SHANK2: variants seen among roughly 807,000 people sequenced by gnomAD.
The protein encoded by SHANK2 is SH3 and multiple ankyrin repeat domains 2.
In SHANK2, 43 loss-of-function variants were observed where a neutral mutation model predicts 133.7. That is an observed-to-expected ratio of 0.32 (90% CI 0.25 to 0.41). SHANK2 has a LOEUF of 0.41. SHANK2 is among the 10% of genes least tolerant of loss of function. The pLI is 1.00. For missense variants in SHANK2, 1,994 were observed against 2,235.8 expected, an observed-to-expected ratio of 0.89 and a Z score of 2.18; for synonymous variants, 1,017 against 952.8, an observed-to-expected ratio of 1.07 and a Z score of -1.24.
intron 9 of SHANK2, among the ~76,000 whole-genome samples, chr11:71,072,018 C>T (rs1044696382): frequency 6.6e-5 from 10 of 152,260 alleles, no homozygotes; most frequent in East Asian, 1.9e-4. Context: ...ATCCACATCT[C>T]GACACCCTCC....
At chr11:70,644,927 A>G (rs782613264) in intron 17 of SHANK2, among the ~76,000 whole-genome samples, 7 of 152,212 alleles carry the variant, frequency 4.6e-5, no homozygotes, top group Admixed American at 2.0e-4. Context: ...ATTCATCAAA[A>G]GATCTCGTCA....
intron 17 of SHANK2, among the ~76,000 whole-genome samples, chr11:70,562,935 G>A (rs782142272): frequency 3.9e-5 from 6 of 152,092 alleles, no homozygotes; most frequent in African/African-American, 7.2e-5. Flanking sequence ...GCAGTGGCAC[G>A]ATCTCGGCTC....
At position 71,175,600 on chromosome 11, in the gene SHANK2, G is replaced by C. The variant is rs868952492; in HGVS notation, c.-12-28262C>G. On this transcript the variant is annotated intron_variant, in intron 2 of 25. Transcript: ENST00000601538. This position sits in a 1 kb window ranked among gnomAD's most constrained non-coding sequence, Gnocchi z 4.2. The stretch of plus-strand genomic sequence containing the variant: ...AGAGAGAGAGAGAGAGAGAGAGAGA[G>C]AGACAGAGACAGAGACATCGCTTCC... 7.0e-4 allele frequency among the ~76,000 whole-genome samples: 95 copies of C among 136,358 alleles called. 1 individual carries two copies. The highest frequency in any genetic ancestry group is 2.5e-3 in the African/African-American group (86 of 33,856). 89.5% of individuals were successfully genotyped at this position (136,358 alleles called of 152,430 possible).
chr11:70,628,471 G>C (rs2060934798), intron 17 of SHANK2, among the ~76,000 whole-genome samples: 1 of 152,212 alleles, frequency 6.6e-6, no homozygotes, highest in African/African-American at 2.4e-5. Context: ...TCACTACTAA[G>C]CAGTGCCTTA....
At chr11:71,176,572 C>A (rs1953450605) in intron 2 of SHANK2, among the ~76,000 whole-genome samples, 1 of 152,030 alleles carries the variant, frequency 6.6e-6, no homozygotes, top group Non-Finnish European at 1.5e-5. Context: ...GTGAAAAATA[C>A]CCTGAATAGA....
At chr11:70,819,168 G>T (rs1212986249) in intron 12 of SHANK2, among the ~76,000 whole-genome samples, 1 of 152,252 alleles carries the variant, frequency 6.6e-6, no homozygotes, top group East Asian at 1.9e-4. Flanking sequence ...CATGGCAACG[G>T]CCGGGGAAGC....
intron 3 of SHANK2, among the ~76,000 whole-genome samples, chr11:71,129,151 A>G (rs1201024415): frequency 2.0e-5 from 3 of 152,254 alleles, no homozygotes; most frequent in Non-Finnish European, 2.9e-5. Flanking sequence ...ACAGCATTGG[A>G]TCAACATTCC....
At chr11:70,701,465 G>A (rs1481225746) in intron 14 of SHANK2, among the ~76,000 whole-genome samples, 3 of 152,004 alleles carry the variant, frequency 2.0e-5, no homozygotes, top group Non-Finnish European at 2.9e-5. Flanking sequence ...GCAGTGGTGC[G>A]ATCTCAGCTC....
At chr11:70,881,762 C>T (rs1046261604) in intron 11 of SHANK2, among the ~76,000 whole-genome samples, 1 of 150,728 alleles carries the variant, frequency 6.6e-6, no homozygotes, top group African/African-American at 2.4e-5. Flanking sequence ...CCAGGTTTTG[C>T]TCTGTTGCCC....
intron 21 of SHANK2, among the ~76,000 whole-genome samples, chr11:70,496,433 G>A (rs939786068): frequency 6.6e-6 from 1 of 152,132 alleles, no homozygotes; most frequent in Non-Finnish European, 1.5e-5. Flanking sequence ...AAATGAACAG[G>A]CTGCAGGCTG....
At chr11:70,912,155 A>C (rs1388177254) in intron 10 of SHANK2, among the ~76,000 whole-genome samples, 1 of 151,048 alleles carries the variant, frequency 6.6e-6, no homozygotes, top group Non-Finnish European at 1.5e-5. Context: ...AAGAGAAGTC[A>C]GCTTATGAAG....
rs2061253079 is a variant in SHANK2, at chr11:70,645,849, G to A, written c.2061+13979C>T. 4.6e-5 allele frequency among the ~76,000 whole-genome samples: 7 copies of A among 151,850 alleles called. No homozygotes were observed. The South Asian group carries it at 1.5e-3, about 32-fold the overall frequency. On this transcript the variant is annotated intron_variant, in intron 17 of 25. Coordinates refer to ENST00000601538, the MANE Select transcript of SHANK2 (RefSeq NM_012309.5). ...GCCCTGCCACAGCAGGGCATACAGT[G>A]TTCAAGAACTCTGGAGCCGGAGCCA...
intron 12 of SHANK2, among the ~76,000 whole-genome samples, chr11:70,817,837 C>G (rs1170632510): frequency 4.6e-5 from 7 of 152,156 alleles, no homozygotes; most frequent in Non-Finnish European, 8.8e-5. Flanking sequence ...CAGGTTAGAG[C>G]GATTCTCCTG....
chr11:70,763,183 C>T (rs1190416013), intron 14 of SHANK2, among the ~76,000 whole-genome samples: 3 of 152,200 alleles, frequency 2.0e-5, no homozygotes, highest in African/African-American at 7.2e-5. Context: ...AACCAATCTG[C>T]CTTGGAGGGT....
rs114761766 is a variant in SHANK2 at position 70,815,143 on chromosome 11, C to T, written c.1493+5221G>A. On this transcript the variant is annotated intron_variant, in intron 12 of 25. Transcript: ENST00000601538. ...GCAGGTGCACTGGCTCCTACCCTCC[C>T]GGACCAGCACCTTTAGGAGGATGGG... 4.6e-3 allele frequency among the ~76,000 whole-genome samples: 698 copies of T among 151,556 alleles called. 8 individuals carry two copies. Among genetic ancestry groups the T allele is most frequent in the African/African-American group, 0.016 (665 of 41,290 alleles).
At chr11:70,731,896 A>T (rs1946296601) in intron 14 of SHANK2, among the ~76,000 whole-genome samples, 1 of 152,136 alleles carries the variant, frequency 6.6e-6, no homozygotes, top group African/African-American at 2.4e-5. Context: ...CTCCTCCTGC[A>T]CGTGCTCTGC....
intron 17 of SHANK2, chr11:70,632,040 T>A (rs1376051295): frequency 1.3e-5 from 2 of 152,240 alleles, no homozygotes; most frequent in African/African-American, 2.4e-5. Flanking sequence ...AAAGGTTCAC[T>A]CTGTTCTGGG....
At chr11:70,505,763 A>G (rs1336004377) in intron 17 of SHANK2, among the ~76,000 whole-genome samples, 1 of 152,084 alleles carries the variant, frequency 6.6e-6, no homozygotes, top group Non-Finnish European at 1.5e-5. Context: ...CGGCCTCCTG[A>G]GGGCTCGTCG....
At position 71,188,905 on chromosome 11, in the gene SHANK2, C is replaced by G. The variant is rs1349067368; in HGVS notation, c.-13+35792G>C. 1.3e-5 allele frequency among the ~76,000 whole-genome samples: 2 copies of G among 152,204 alleles called. No individual in the cohort carries two copies. Among genetic ancestry groups the G allele is most frequent in the African/African-American group, 2.4e-5 (1 of 41,460 alleles). On this transcript the variant is annotated intron_variant, in intron 2 of 25. Transcript: ENST00000601538. This position sits in a 1 kb window ranked among gnomAD's most constrained non-coding sequence, Gnocchi z 4.6. ...GGGTCAAGGTGGGTGGAAGCAAACCCTGGGGTTCTCTCAATACAGCAGGAG... is the reference window on the plus strand; with the variant it reads ...GGGTCAAGGTGGGTGGAAGCAAACCGTGGGGTTCTCTCAATACAGCAGGAG...
Sources: allele counts gnomAD v4.1 joint callset (sites outside exome capture counted in the v4.1 genomes callset), GRCh38; gene constraint gnomAD v4.1.1; non-coding constraint Gnocchi (gnomAD v3.1); transcripts MANE v1.5; gene names NCBI Gene and HGNC (gene_info 2026-07-23, HGNC 2026-07-21).